The following CREB5 variants were observed in gnomAD, a reference collection of about 807,000 sequenced individuals.
CREB5 encodes cyclic AMP-responsive element-binding protein 5.
Under a neutral mutation model 57.1 loss-of-function variants are expected in CREB5, and 19 were observed. That is an observed-to-expected ratio of 0.33 (90% CI 0.23 to 0.49). CREB5 has a LOEUF of 0.49. Ranked by LOEUF, CREB5 falls within the 20% of genes least tolerant of loss-of-function variation. The pLI is 0.99. For synonymous variants in CREB5, 238 were observed against 238.3 expected (o/e 1.00, Z 0.01); for missense variants, 579 against 671.6 (o/e 0.86, Z 1.52).
At chr7:28,638,581 A>G (rs922434243) in intron 5 of CREB5, among the ~76,000 whole-genome samples, 2 of 152,080 alleles carry the variant, frequency 1.3e-5, no homozygotes, top group Non-Finnish European at 2.9e-5. Flanking sequence ...TCCTGGGCTC[A>G]AGACATCCAC....
At chr7:28,497,616 C>T (rs559566602) in intron 3 of CREB5, among the ~76,000 whole-genome samples, 1 of 152,142 alleles carries the variant, frequency 6.6e-6, no homozygotes, top group Admixed American at 6.5e-5. Context: ...TTTGCATGTT[C>T]TTAGGTTCAT....
intron 5 of CREB5, among the ~76,000 whole-genome samples, chr7:28,620,661 G>A (rs962658086): frequency 2.6e-5 from 4 of 152,194 alleles, no homozygotes; most frequent in South Asian, 2.1e-4. Flanking sequence ...CCTCAGGCTC[G>A]CCCCATTTTA....
chr7:28,682,320 T>C (rs1225847392), intron 5 of CREB5, among the ~76,000 whole-genome samples: 1 of 152,220 alleles, frequency 6.6e-6, no homozygotes, highest in Non-Finnish European at 1.5e-5. Context: ...CCTCATCCTC[T>C]GTCCACTGTG....
chr7:28,769,198 A>G (rs750028579), intron 7 of CREB5, among the ~76,000 whole-genome samples: 18 of 152,236 alleles, frequency 1.2e-4, no homozygotes, highest in Non-Finnish European at 2.1e-4. Context: ...GCCTGAAACT[A>G]TAGCTCATTC....
intron 5 of CREB5, chr7:28,686,092 C>G: frequency 1.3e-6 from 2 of 1,594,658 alleles, no homozygotes; most frequent in Non-Finnish European, 1.7e-6. Flanking sequence ...AAGGATATGA[C>G]TCACTCAAGC....
At chr7:28,779,151 T>C (rs1806828429) in intron 7 of CREB5, 1 of 152,188 alleles carries the variant, frequency 6.6e-6, no homozygotes, top group South Asian at 2.1e-4. Context: ...GTATCAACCA[T>C]GTGTAGGTGT....
At chr7:28,663,643 A>G (rs1165934789) in intron 5 of CREB5, among the ~76,000 whole-genome samples, 1 of 152,346 alleles carries the variant, frequency 6.6e-6, no homozygotes, top group Admixed American at 6.5e-5. Flanking sequence ...AGAAACTGAA[A>G]GCCTGCTTTT....
At position 28,318,721 on chromosome 7, in the gene CREB5, G is replaced by T. The variant is rs1175941720; in HGVS notation, c.-25+19280G>T. On this transcript the variant is annotated intron_variant, in intron 1 of 9. Transcript: ENST00000396299. ...TCGTGCCTAAAATGTCCTGCATCTA[G>T]TTCTACAGAATGAAATACTAGACTC... Among the ~76,000 whole-genome samples the T allele has an allele frequency of 5.3e-5, 8 of 152,252 alleles. No individual in the cohort carries two copies. The East Asian group carries it at 1.5e-3, about 29-fold the overall frequency.
chr7:28,642,605 G>T (rs1421665497), intron 5 of CREB5, among the ~76,000 whole-genome samples: 1 of 152,136 alleles, frequency 6.6e-6, no homozygotes, highest in Non-Finnish European at 1.5e-5. Flanking sequence ...ATCTGTCAAG[G>T]AATAAACATG....
chr7:28,470,413 T>G (rs1790757242), intron 1 of CREB5, among the ~76,000 whole-genome samples: 1 of 152,222 alleles, frequency 6.6e-6, no homozygotes, highest in Non-Finnish European at 1.5e-5. Context: ...TCTCATTCTT[T>G]TTTATGGCTG....
chr7:28,754,664 GGCACGTA>G (rs1461899878), intron 7 of CREB5, among the ~76,000 whole-genome samples: 1 of 152,162 alleles, frequency 6.6e-6, no homozygotes, highest in Non-Finnish European at 1.5e-5. Flanking sequence ...AGAGCATGCT[GGCACGTA>G]GCTCCCAGCC....
At chr7:28,305,328 C>A (rs536544855) in intron 1 of CREB5, among the ~76,000 whole-genome samples, 2 of 152,270 alleles carry the variant, frequency 1.3e-5, no homozygotes, top group Admixed American at 6.5e-5. Context: ...TTCTTTCTTT[C>A]TTCTTCTCTG....
intron 5 of CREB5, among the ~76,000 whole-genome samples, chr7:28,619,656 C>A (rs1212066256): frequency 2.0e-5 from 3 of 152,228 alleles, no homozygotes; most frequent in African/African-American, 7.2e-5. Context: ...CATAGCAAGA[C>A]CCTCATCTCT....
chr7:28,527,470 A>ATGATGC (rs1428006435), intron 4 of CREB5, among the ~76,000 whole-genome samples: 14 of 152,300 alleles, frequency 9.2e-5, no homozygotes, highest in Admixed American at 7.2e-4. Context: ...AAGTTCCCAG[A>ATGATGC]TGATGCTGAT....
chr7:28,639,107 T>A (rs1385665951), intron 5 of CREB5, among the ~76,000 whole-genome samples: 1 of 152,226 alleles, frequency 6.6e-6, no homozygotes, highest in East Asian at 1.9e-4. Context: ...GTAGTATTAG[T>A]TCCTCTAGAC....
intron 8 of CREB5, among the ~76,000 whole-genome samples, chr7:28,807,735 A>G (rs1277140907): frequency 6.6e-6 from 1 of 152,180 alleles, no homozygotes; most frequent in Non-Finnish European, 1.5e-5. Flanking sequence ...TCTCTTGTAA[A>G]ACAACTTTAT....
intron 1 of CREB5, among the ~76,000 whole-genome samples, chr7:28,362,249 ATGGCAC>A (rs1322731231): frequency 6.6e-6 from 1 of 152,214 alleles, no homozygotes; most frequent in African/African-American, 2.4e-5. Context: ...CAGCCAAGCA[ATGGCAC>A]TGGCTAGTGA....
At chr7:28,793,439 C>T (rs541388172) in intron 7 of CREB5, among the ~76,000 whole-genome samples, 1 of 152,306 alleles carries the variant, frequency 6.6e-6, no homozygotes, top group South Asian at 2.1e-4. Context: ...GACAGAGGCC[C>T]AATGGTACAC....
intron 3 of CREB5, among the ~76,000 whole-genome samples, chr7:28,503,544 G>A (rs563199592): frequency 2.3e-4 from 35 of 151,812 alleles, no homozygotes; most frequent in African/African-American, 8.5e-4. Context: ...AGAAATTGAG[G>A]GCCATGATTC....
Sources: gnomAD v4.1 joint callset for allele counts (sites outside exome capture counted in the v4.1 genomes callset) on GRCh38, gnomAD v4.1.1 for gene constraint, MANE v1.5 for transcripts, NCBI Gene and HGNC (gene_info 2026-07-23, HGNC 2026-07-21) for gene names.